The following LLGL2 variants were observed in gnomAD, a reference collection of about 807,000 sequenced individuals.
The protein encoded by LLGL2 is LLGL scribble cell polarity complex component 2.
A neutral mutation model predicts 123.2 loss-of-function variants in LLGL2; 81 were observed. The observed-to-expected ratio is 0.66, with a 90% CI of 0.55 to 0.79. LLGL2 has a LOEUF of 0.79. LLGL2 is among the 30% of genes least tolerant of loss of function. LLGL2 has a pLI of 0.00. For missense variants in LLGL2, 1,273 were observed against 1,414.6 expected, an observed-to-expected ratio of 0.90 and a Z score of 1.61; for synonymous variants, 577 against 594.1, an observed-to-expected ratio of 0.97 and a Z score of 0.42.
rs754131023 is a variant in LLGL2 at position 75,574,854 on chromosome 17, C to A, written c.3056-17C>A. On this transcript the variant is annotated splice_polypyrimidine_tract_variant and intron_variant, in intron 25 of 25. Transcript: ENST00000392550. ...CCTGCCCAGGGTGATCTTGAGCTGT[C>A]CCTCTGTGTCCTTCAGCAGAGTGAG... The A allele has an allele frequency of 6.2e-7, 1 of 1,613,970 alleles. No homozygotes were observed. The highest frequency in any genetic ancestry group is 8.5e-7 in the Non-Finnish European group (1 of 1,179,912).
rs759341750 is a variant in LLGL2, at chr17:75,570,164, G to A, written c.1783G>A (p.Ala595Thr). Residue 595 changes from alanine (A) to threonine (T), a missense_variant, in exon 15 of 26, where the codon GCC becomes ACC. Transcript: ENST00000392550. The stretch of plus-strand genomic sequence containing the variant: ...GCCCCCGGCTGTGGTCACCTCCTTG[G>A]CCCTGCACTCTGAGTGGCGGCTCGT... ...CQPPAVVTSLALHSEWRLVAF... is the reference protein window; with the variant it reads ...CQPPAVVTSLTLHSEWRLVAF... The A allele has an allele frequency of 6.3e-7, 1 of 1,594,342 alleles. No homozygotes were observed. The highest frequency in any genetic ancestry group is 1.3e-5 in the African/African-American group (1 of 74,794).
chr17:75,559,312 C>G lies in LLGL2; in HGVS notation c.432C>G (p.Leu144=). The change falls in exon 6 of 26, where the codon CTC becomes CTG. Residue 144 remains leucine (L), a synonymous_variant. Coordinates refer to ENST00000392550, the MANE Select transcript of LLGL2 (RefSeq NM_001031803.2). The surrounding 1 kb of genome is among the most constrained non-coding windows in gnomAD (Gnocchi z 4.6). ...VVLPHSSCEL[L]YLGTESGNVF... is the part of the protein sequence containing the mutation. ...TGCCACATTCCTCCTGCGAGCTGCT[C>G]TACCTGGGCACCGAGAGTGGCAACG... 1.9e-6 allele frequency: 3 copies of G among 1,613,572 alleles called. No homozygotes were observed. Among genetic ancestry groups the G allele is most frequent in the East Asian group, 2.2e-5 (1 of 44,882 alleles).
At chr17:75,563,623 TC>T in intron 8 of LLGL2, 128 bp from the exon 9 acceptor site, 1 of 1,474,332 alleles carries the variant, frequency 6.8e-7, no homozygotes, top group East Asian at 2.3e-5. Flanking sequence ...GGGGAACTTC[TC>T]GGAGCAAGAT....
At chr17:75,551,136 G>A (rs1598568066) in intron 2 of LLGL2, among the ~76,000 whole-genome samples, 1 of 152,180 alleles carries the variant, frequency 6.6e-6, no homozygotes, top group Non-Finnish European at 1.5e-5. Flanking sequence ...AGGTAGAGTC[G>A]CTGTGAAGGT....
Position 75,573,021 on chromosome 17 carries a change from C to T in LLGL2, c.2468C>T (p.Thr823Met), listed in dbSNP as rs751109863. 6.9e-6 allele frequency: 11 copies of T among 1,603,312 alleles called. No homozygotes were observed. The highest frequency in any genetic ancestry group is 1.7e-5 in the Admixed American group (1 of 59,698). The stretch of plus-strand genomic sequence containing the variant: ...ACCACCCCACGCCCCCAGGTGTTCA[C>T]GCTGCCCAAGGTGAGTGCCAAGCTG... ...VVSEEQFKVF[T>M]LPKVSAKLKL... Residue 823 changes from threonine (T) to methionine (M), a missense_variant, in exon 20 of 26, where the codon ACG becomes ATG. Thr to Met is a moderately conservative substitution (Grantham distance 81). Coordinates refer to ENST00000392550, the MANE Select transcript of LLGL2 (RefSeq NM_001031803.2).
At position 75,563,158 on chromosome 17, in the gene LLGL2, T is replaced by C. The variant is rs1412474084; in HGVS notation, c.673T>C (p.Tyr225His). Reference protein sequence around the residue: ...IWDLQGSRVLYHFLSSQQLEN... With the variant: ...IWDLQGSRVLHHFLSSQQLEN... Reference sequence around the variant, plus strand: ...GGACCTACAGGGCAGCCGCGTGCTCTACCACTTCCTCAGCAGCCAGGTAGG... The same window carrying C: ...GGACCTACAGGGCAGCCGCGTGCTCCACCACTTCCTCAGCAGCCAGGTAGG... Residue 225 changes from tyrosine to histidine, a missense_variant, in exon 7 of 26, where the codon TAC becomes CAC. Physicochemically the swap from Tyr to His is moderately conservative, Grantham distance 83. Coordinates refer to ENST00000392550, the MANE Select transcript of LLGL2 (RefSeq NM_001031803.2). 3 of 1,613,112 alleles carry C rather than the reference T, an allele frequency of 1.9e-6. No homozygotes were observed. Among genetic ancestry groups the C allele is most frequent in the Non-Finnish European group, 2.5e-6 (3 of 1,180,018 alleles).
At chr17:75,568,332 A>T (rs983465511) in intron 10 of LLGL2, 144 bp from the exon 11 acceptor site, 28 of 1,442,900 alleles carry the variant, frequency 1.9e-5, no homozygotes, top group Non-Finnish European at 2.4e-5. Flanking sequence ...GCCCTCCTGG[A>T]GATGGAAAGG....
At chr17:75,546,153 C>G (rs574965006) in intron 2 of LLGL2, 4 of 152,326 alleles carry the variant, frequency 2.6e-5, no homozygotes, top group Non-Finnish European at 5.9e-5. Context: ...GCAGGATGAC[C>G]GTGAAGTCTC....
In LLGL2 at chr17:75,559,439, TC is replaced by T; in HGVS notation, c.530+31del. 6.4e-7 allele frequency: 1 copy of T among 1,571,326 alleles called. No individual in the cohort carries two copies. On this transcript the variant is annotated intron_variant, in intron 6 of 25. Transcript: ENST00000392550. This position sits in a 1 kb window ranked among gnomAD's most constrained non-coding sequence, Gnocchi z 4.6. ...AGCCCAGAGCCCAGCTGCTGTTAAC[TC>T]CATCCCCTCAAGTTAGGCATGGCTT...
At chr17:75,568,724 C>A in intron 11 of LLGL2, 31 bp downstream of exon 11, 3 of 1,613,274 alleles carry the variant, frequency 1.9e-6, no homozygotes, top group Non-Finnish European at 2.5e-6. Context: ...AGCCCCAGCC[C>A]CACCGCAAGC....
At chr17:75,525,458 GC>G (rs951719851), upstream of LLGL2, among the ~76,000 whole-genome samples, 2 of 151,868 alleles carry the variant, frequency 1.3e-5, no homozygotes, top group Non-Finnish European at 2.9e-5. This position sits in a 1 kb window ranked among gnomAD's most constrained non-coding sequence, Gnocchi z 4.8. Context: ...GGCGCGGCGC[GC>G]CGTTCTGCGT....
intron 10 of LLGL2, among the ~76,000 whole-genome samples, chr17:75,566,840 C>G (rs762137533): frequency 2.6e-5 from 4 of 152,066 alleles, no homozygotes; most frequent in African/African-American, 4.8e-5. Context: ...ATCTCCAGAC[C>G]CATAAGGGAG....
At position 75,538,058 on chromosome 17, in the gene LLGL2, G is replaced by A. The variant is rs146995958; in HGVS notation, c.-30-5339G>A. Among the ~76,000 whole-genome samples, 1,088 of 152,254 alleles carry A rather than the reference G, an allele frequency of 7.1e-3. 11 individuals are homozygous for A. The highest frequency in any genetic ancestry group is 0.025 in the African/African-American group (1,031 of 41,544). On this transcript the variant is annotated intron_variant, in intron 1 of 25. Transcript: ENST00000392550. ...ACTCCTGGCCTCAAGTGATCAGCCC[G>A]CCTTGGCCTCCCAAACTGCTGGGAT...
chr17:75,558,212 G>A lies in LLGL2; in HGVS notation c.231G>A (p.Thr77=), dbSNP rs200996856. The A allele has an allele frequency of 1.4e-4, 226 of 1,613,270 alleles. No individual in the cohort carries two copies. The highest frequency in any genetic ancestry group is 1.6e-4 in the Non-Finnish European group (193 of 1,179,822). ...TGCACCAGGAGAACAACGCTGTGAC[G>A]CAGATCCACCTCCTGCCCGGCCAGG... The part of the protein sequence containing the change: ...MGLHQENNAV[T]QIHLLPGQCQ... The change falls in exon 4 of 26, where the codon ACG becomes ACA. Residue 77 remains threonine (T), a synonymous_variant. Transcript: ENST00000392550. The surrounding 1 kb of genome is among the most constrained non-coding windows in gnomAD (Gnocchi z 4.0).
intron 10 of LLGL2, chr17:75,567,956 A>G (rs965368921): frequency 4.0e-4 from 271 of 672,538 alleles, no homozygotes; most frequent in African/African-American, 6.2e-4. Flanking sequence ...AAAAGAAAAA[A>G]AAAAAAAAAG....
chr17:75,552,292 C>T (rs1020068945), intron 2 of LLGL2, among the ~76,000 whole-genome samples: 1 of 151,702 alleles, frequency 6.6e-6, no homozygotes, highest in Non-Finnish European at 1.5e-5. Context: ...AGTTTGAGAC[C>T]AGCCTAGCCA....
chr17:75,574,691 C>T (rs1229012338), intron 25 of LLGL2, 23 bp downstream of exon 25: 4 of 1,607,832 alleles, frequency 2.5e-6, no homozygotes, highest in Non-Finnish European at 3.4e-6. Context: ...GGCTTGAGTG[C>T]AGCTGCCAAC....
At chr17:75,556,410 C>T (rs544595208) in intron 3 of LLGL2, among the ~76,000 whole-genome samples, 2 of 152,266 alleles carry the variant, frequency 1.3e-5, no homozygotes, top group East Asian at 3.9e-4. Context: ...TGAGGAGATA[C>T]AGGCTTATTT....
At chr17:75,527,123 G>C (rs1168919067) in intron 1 of LLGL2, among the ~76,000 whole-genome samples, 1 of 150,010 alleles carries the variant, frequency 6.7e-6, no homozygotes, top group Non-Finnish European at 1.5e-5. Flanking sequence ...GAGTCATGAT[G>C]GCGCCACCAC....
Sources: gnomAD v4.1 joint callset for allele counts (sites outside exome capture counted in the v4.1 genomes callset) on GRCh38, gnomAD v4.1.1 for gene constraint, Gnocchi (gnomAD v3.1) non-coding constraint, MANE v1.5 for transcripts, NCBI Gene and HGNC (gene_info 2026-07-23, HGNC 2026-07-21) for gene names.